PHACTR1: variants seen among roughly 807,000 people sequenced by gnomAD.
PHACTR1 encodes the protein phosphatase and actin regulator 1, also known as RPEL repeat containing 1.
A neutral mutation model predicts 69.2 loss-of-function variants in PHACTR1; 16 were observed. That is an observed-to-expected ratio of 0.23 (90% CI 0.16 to 0.35). The LOEUF (loss-of-function observed/expected upper bound fraction) is 0.35. PHACTR1 is among the 10% of genes least tolerant of loss of function. PHACTR1 has a pLI of 1.00. For synonymous variants in PHACTR1, 312 were observed against 284.5 expected, an observed-to-expected ratio of 1.10 and a Z score of -0.97; for missense variants, 510 against 734.7, an observed-to-expected ratio of 0.69 and a Z score of 3.54.
At chr6:12,967,244 T>C (rs1324382170) in intron 4 of PHACTR1, among the ~76,000 whole-genome samples, 2 of 152,212 alleles carry the variant, frequency 1.3e-5, no homozygotes, top group African/African-American at 4.8e-5. Flanking sequence ...GCTCCTTCCT[T>C]GTTTCTCAAA....
intron 4 of PHACTR1, among the ~76,000 whole-genome samples, chr6:12,942,807 G>A (rs941589044): frequency 1.3e-5 from 2 of 152,168 alleles, no homozygotes; most frequent in African/African-American, 4.8e-5. Flanking sequence ...AATCATACAA[G>A]TCAATCTTCC....
At chr6:12,788,102 G>A (rs1485863128) in intron 4 of PHACTR1, among the ~76,000 whole-genome samples, 1 of 151,582 alleles carries the variant, frequency 6.6e-6, no homozygotes, top group Non-Finnish European at 1.5e-5. Flanking sequence ...AGGTTGCAGT[G>A]AGCCAAGATC....
chr6:13,098,075 G>A (rs556076907), intron 5 of PHACTR1, among the ~76,000 whole-genome samples: 1 of 151,936 alleles, frequency 6.6e-6, no homozygotes, highest in Non-Finnish European at 1.5e-5. Context: ...ACTCAGTCAA[G>A]CATACTGAAG....
intron 4 of PHACTR1, among the ~76,000 whole-genome samples, chr6:12,880,174 G>A (rs1265933961): frequency 6.6e-6 from 1 of 151,856 alleles, no homozygotes; most frequent in Non-Finnish European, 1.5e-5. Flanking sequence ...GCCAATTCAG[G>A]GACAGATTTG....
At chr6:12,821,692 T>C (rs775692737) in intron 4 of PHACTR1, among the ~76,000 whole-genome samples, 47 of 152,220 alleles carry the variant, frequency 3.1e-4, no homozygotes, top group Non-Finnish European at 6.0e-4. Flanking sequence ...AAAACGATAA[T>C]ATATGTTATC....
intron 8 of PHACTR1, among the ~76,000 whole-genome samples, chr6:13,216,485 G>C (rs921521980): frequency 6.6e-6 from 1 of 151,600 alleles, no homozygotes; most frequent in Non-Finnish European, 1.5e-5. Context: ...TTGTGAAGTG[G>C]TGTTGCTTTG....
At chr6:13,176,970 T>C (rs75265579) in intron 6 of PHACTR1, among the ~76,000 whole-genome samples, 46 of 151,844 alleles carry the variant, frequency 3.0e-4, no homozygotes, top group Non-Finnish European at 5.4e-4. Flanking sequence ...AGAATTAGAG[T>C]TGACACTTTT....
At chr6:13,067,560 A>T (rs776637422) in intron 5 of PHACTR1, among the ~76,000 whole-genome samples, 1 of 152,238 alleles carries the variant, frequency 6.6e-6, no homozygotes, top group Non-Finnish European at 1.5e-5. Flanking sequence ...AAGGTGTAGC[A>T]TACTCGTCTT....
chr6:13,155,742 G>A (rs989666907), intron 5 of PHACTR1, among the ~76,000 whole-genome samples: 4 of 152,046 alleles, frequency 2.6e-5, no homozygotes, highest in Non-Finnish European at 5.9e-5. Flanking sequence ...ACAAAAATTA[G>A]CCAGGAGTGG....
chr6:13,141,926 A>G (rs776360274), intron 5 of PHACTR1, among the ~76,000 whole-genome samples: 5 of 152,010 alleles, frequency 3.3e-5, no homozygotes, highest in Non-Finnish European at 7.4e-5. Flanking sequence ...GATATTTTCC[A>G]CACTATTTTT....
At chr6:12,819,307 T>C (rs1183036832) in intron 4 of PHACTR1, among the ~76,000 whole-genome samples, 2 of 152,242 alleles carry the variant, frequency 1.3e-5, no homozygotes, top group African/African-American at 4.8e-5. Flanking sequence ...ATTGCTTTAT[T>C]TTCTGCAAGC....
chr6:13,256,190 C>T (rs1562077278), intron 10 of PHACTR1, among the ~76,000 whole-genome samples: 2 of 152,244 alleles, frequency 1.3e-5, no homozygotes, highest in Non-Finnish European at 2.9e-5. Context: ...CACCTGGGCC[C>T]CTTTGAGCCA....
chr6:13,075,792 G>T (rs1251741250), intron 5 of PHACTR1, among the ~76,000 whole-genome samples: 1 of 152,122 alleles, frequency 6.6e-6, no homozygotes, highest in Non-Finnish European at 1.5e-5. Flanking sequence ...CCCCTTAACA[G>T]AATGCTTTAT....
At chr6:13,203,684 A>G (rs138071198) in intron 7 of PHACTR1, among the ~76,000 whole-genome samples, 2 of 152,316 alleles carry the variant, frequency 1.3e-5, no homozygotes, top group African/African-American at 4.8e-5. Flanking sequence ...AGAAGACAAA[A>G]CAGAGGAGAA....
chr6:12,956,223 T>C lies in PHACTR1; in HGVS notation c.251-97142T>C, dbSNP rs186254026. Among the ~76,000 whole-genome samples, 382 of 152,274 alleles carry C rather than the reference T, an allele frequency of 2.5e-3. 1 individual carries two copies. Among genetic ancestry groups the C allele is most frequent in the African/African-American group, 8.5e-3 (352 of 41,546 alleles). On this transcript the variant is annotated intron_variant, in intron 4 of 14. Coordinates refer to ENST00000332995, the MANE Select transcript of PHACTR1 (RefSeq NM_030948.6). ...CAAGCCTCCGCTGGCTGGGAGAAGA[T>C]TGGGAGCCGAGAGCTATGCAGATAG...
At chr6:12,961,328 T>C (rs1284624894) in intron 4 of PHACTR1, among the ~76,000 whole-genome samples, 2 of 152,126 alleles carry the variant, frequency 1.3e-5, no homozygotes, top group Non-Finnish European at 2.9e-5. Context: ...CAAACTTGGG[T>C]ATATTCTAAT....
intron 6 of PHACTR1, among the ~76,000 whole-genome samples, chr6:13,164,080 C>T (rs931298991): frequency 3.9e-5 from 6 of 152,060 alleles, no homozygotes; most frequent in African/African-American, 1.4e-4. Context: ...CTGTGACCTC[C>T]TCAGAATGGC....
At chr6:12,718,673 T>C in intron 2 of PHACTR1, 26 bp from the exon 3 acceptor site, 4 of 696,594 alleles carry the variant, frequency 5.7e-6, no homozygotes, top group Non-Finnish European at 9.4e-6. Flanking sequence ...TCTAAAATAT[T>C]GTGGATTTTT....
chr6:12,841,218 G>A (rs1221609681), intron 4 of PHACTR1, among the ~76,000 whole-genome samples: 2 of 152,148 alleles, frequency 1.3e-5, no homozygotes, highest in African/African-American at 4.8e-5. Flanking sequence ...CACATCCAAG[G>A]TCACACATTT....
Sources: allele counts gnomAD v4.1 joint callset (sites outside exome capture counted in the v4.1 genomes callset), GRCh38; gene constraint gnomAD v4.1.1; transcripts MANE v1.5; gene names NCBI Gene and HGNC (gene_info 2026-07-23, HGNC 2026-07-21).